Variants in TG observed in about 807,000 individuals in gnomAD.
TG encodes thyroid hormones.
Under a neutral mutation model 324.7 loss-of-function variants are expected in TG, and 270 were observed. That is an observed-to-expected ratio of 0.83 (90% CI 0.75 to 0.92). The LOEUF (loss-of-function observed/expected upper bound fraction) is 0.92, where lower values mean the gene tolerates loss of function less well. Among genes scored for constraint, TG ranks in the 40% least tolerant of loss-of-function variants. The pLI is 0.00. For synonymous variants in TG, 1,401 were observed against 1,327.0 expected (o/e 1.06, Z -1.21); for missense variants, 3,591 against 3,456.4 (o/e 1.04, Z -0.98).
chr8:132,897,598 C>A (rs1221448865), intron 11 of TG, 51 bp from the exon 12 acceptor site: 1 of 1,612,470 alleles, frequency 6.2e-7, no homozygotes, highest in Non-Finnish European at 8.5e-7. Flanking sequence ...AGCTACAGAG[C>A]CCACACAGAG....
At chr8:132,902,163 C>A (rs1176739061) in intron 16 of TG, among the ~76,000 whole-genome samples, 1 of 152,090 alleles carries the variant, frequency 6.6e-6, no homozygotes, top group African/African-American at 2.4e-5. Context: ...CCTTTCAGGG[C>A]AGGAAATGGA....
chr8:132,982,336 A>T (rs537913050), intron 34 of TG, among the ~76,000 whole-genome samples: 8 of 152,330 alleles, frequency 5.3e-5, no homozygotes, highest in Non-Finnish European at 1.2e-4. Context: ...GTGAGCAAGG[A>T]GATCCCATGT....
At chr8:133,041,088 A>G (rs1296098170) in intron 41 of TG, among the ~76,000 whole-genome samples, 1 of 152,162 alleles carries the variant, frequency 6.6e-6, no homozygotes, top group Non-Finnish European at 1.5e-5. Context: ...GATTGAGGAA[A>G]TTCTGCACAG....
intron 41 of TG, among the ~76,000 whole-genome samples, chr8:133,084,492 C>T (rs1238627316): frequency 6.6e-6 from 1 of 152,192 alleles, no homozygotes; most frequent in Non-Finnish European, 1.5e-5. Context: ...CTCATGGTGT[C>T]ACTTTTAAAG....
Position 132,941,447 on chromosome 8 carries a change from C to T in TG, c.5138C>T (p.Ser1713Leu), listed in dbSNP as rs774515536. The part of the protein sequence containing the change: ...GLYNPIVFSA[S>L]GANLTDAHLF... ...TACAACCCCATTGTGTTCTCAGCCTCAGGAGCCAATCTAACCGATGCTCAC... is the reference window on the plus strand; with the variant it reads ...TACAACCCCATTGTGTTCTCAGCCTTAGGAGCCAATCTAACCGATGCTCAC... Residue 1713 changes from serine to leucine, a missense_variant, in exon 26 of 48, where the codon TCA becomes TTA. Ser to Leu is a moderately radical substitution (Grantham distance 145). Coordinates refer to ENST00000220616, the MANE Select transcript of TG (RefSeq NM_003235.5). 6.2e-7 allele frequency: 1 copy of T among 1,614,132 alleles called. No individual in the cohort carries two copies. Among genetic ancestry groups the T allele is most frequent in the South Asian group, 1.1e-5 (1 of 91,090 alleles).
At chr8:133,017,663 AG>A in intron 37 of TG, 114 bp from the exon 38 acceptor site, 1 of 985,980 alleles carries the variant, frequency 1.0e-6, no homozygotes. Flanking sequence ...GACATTTTCA[AG>A]GTGCAAAAAC....
At position 132,888,072 on chromosome 8, in the gene TG, T is replaced by C; in HGVS notation, c.2265T>C (p.Leu755=). ...LLSNSSMLPT[L]SDTYIPQCST... ...CTAACTCCAGCATGCTACCCACCCT[T>C]TCCGACACCTACATCCCACAGTGCA... The change falls in exon 10 of 48, where the codon CTT becomes CTC. Residue 755 remains leucine, a synonymous_variant. Transcript: ENST00000220616. 1 of 1,614,098 alleles carries C rather than the reference T, an allele frequency of 6.2e-7. No homozygotes were observed.
chr8:133,133,885 G>T (rs1852144182), intron 47 of TG, among the ~76,000 whole-genome samples: 2 of 152,240 alleles, frequency 1.3e-5, no homozygotes, highest in Non-Finnish European at 2.9e-5. Flanking sequence ...GGCACAGGAA[G>T]AGGGCAGTGG....
chr8:132,872,966 TC>T, intron 4 of TG, 95 bp from the exon 5 acceptor site: 5 of 1,310,598 alleles, frequency 3.8e-6, no homozygotes, highest in Non-Finnish European at 5.4e-6. Flanking sequence ...TCAGAGCTCA[TC>T]CCCATTGCTA....
At chr8:133,097,976 G>A (rs935796480) in intron 43 of TG, among the ~76,000 whole-genome samples, 7 of 151,974 alleles carry the variant, frequency 4.6e-5, no homozygotes, top group African/African-American at 1.5e-4. Flanking sequence ...TGCAAGGGGG[G>A]GTGTCAAGTA....
chr8:133,010,922 C>T (rs560004349), intron 35 of TG, among the ~76,000 whole-genome samples: 18 of 152,308 alleles, frequency 1.2e-4, no homozygotes, highest in African/African-American at 4.1e-4. Context: ...ATACAAAGGC[C>T]AGTTCCAATC....
At chr8:132,946,381 A>G (rs1292871714) in intron 26 of TG, among the ~76,000 whole-genome samples, 4 of 152,174 alleles carry the variant, frequency 2.6e-5, no homozygotes. Flanking sequence ...ATTATGTTGA[A>G]CTAAACACTC....
chr8:133,040,379 C>A, intron 41 of TG: 1 of 460,686 alleles, frequency 2.2e-6, no homozygotes, highest in Middle Eastern at 5.6e-4. Flanking sequence ...GGTTTAAGAT[C>A]CAGTATCAAC....
intron 16 of TG, among the ~76,000 whole-genome samples, chr8:132,904,353 C>T (rs1818369606): frequency 6.6e-6 from 1 of 152,198 alleles, no homozygotes. Flanking sequence ...TCCCTTGAGC[C>T]TCTGTTTTCT....
At chr8:133,110,552 G>A (rs1314518557) in intron 43 of TG, among the ~76,000 whole-genome samples, 1 of 152,178 alleles carries the variant, frequency 6.6e-6, no homozygotes, top group Non-Finnish European at 1.5e-5. Context: ...TAATAAAGCG[G>A]TTTGGGGCCC....
intron 22 of TG, among the ~76,000 whole-genome samples, chr8:132,925,512 A>AGTGCGTGTGTGT (rs1821720613): frequency 1.5e-5 from 1 of 67,178 alleles, no homozygotes; most frequent in Non-Finnish European, 3.4e-5. Context: ...AGTCCTAAGG[A>AGTGCGTGTGTGT]GTGCGTGTGT....
rs778387526 is a variant in TG, at chr8:132,887,323, G to C, written c.1951G>C (p.Val651Leu). The C allele has an allele frequency of 3.0e-5, 48 of 1,610,422 alleles. No individual in the cohort carries two copies. Among genetic ancestry groups the C allele is most frequent in the Non-Finnish European group, 4.0e-5 (47 of 1,177,136 alleles). Residue 651 changes from valine to leucine, a missense_variant, in exon 9 of 48, where the codon GTC (valine) becomes CTC (leucine). Physicochemically the swap from Val to Leu is conservative, Grantham distance 32 (BLOSUM62 1). Coordinates refer to ENST00000220616, the MANE Select transcript of TG (RefSeq NM_003235.5). ...GGGCAAAGAGCTTCCAGGCTCAAGA[G>C]TCAGAGGTGGACAGCCAAGGTGCCC... ...SWGKELPGSR[V>L]RGGQPRCPTD...
At chr8:133,018,326 G>T (rs1835246259) in intron 38 of TG, among the ~76,000 whole-genome samples, 1 of 152,120 alleles carries the variant, frequency 6.6e-6, no homozygotes, top group Non-Finnish European at 1.5e-5. Context: ...ATTGATCCAG[G>T]AAGAGAGGCT....
intron 37 of TG, among the ~76,000 whole-genome samples, chr8:133,014,069 C>T (rs1399888254): frequency 6.6e-6 from 1 of 152,192 alleles, no homozygotes; most frequent in Non-Finnish European, 1.5e-5. Context: ...GGCCTTATCT[C>T]ATTTGGTCCT....
Sources: gnomAD v4.1 joint callset for allele counts (sites outside exome capture counted in the v4.1 genomes callset) on GRCh38, gnomAD v4.1.1 for gene constraint, MANE v1.5 for transcripts, NCBI Gene and HGNC (gene_info 2026-07-23, HGNC 2026-07-21) for gene names.